The following GALNT14 variants were observed in gnomAD, a reference collection of about 807,000 sequenced individuals.
GALNT14 encodes UDP-GalNAc:polypeptide N-acetylgalactosaminyltransferase 14.
GALNT14 carries 60 observed loss-of-function variants against 77.5 expected under a neutral mutation model. The ratio of observed to expected loss-of-function variants is 0.77; its 90% CI spans 0.63 to 0.96. The LOEUF is 0.96. Among genes scored for constraint, GALNT14 ranks in the 40% least tolerant of loss-of-function variants. The pLI is 0.00. For missense variants in GALNT14, 710 were observed against 731.0 expected, an observed-to-expected ratio of 0.97 and a Z score of 0.33; for synonymous variants, 280 against 281.7, an observed-to-expected ratio of 0.99 and a Z score of 0.06.
At chr2:30,904,013 T>A in the GALNT14 span, among the ~76,000 whole-genome samples, 1 of 152,170 alleles carries the variant, frequency 6.6e-6, no homozygotes, top group South Asian at 2.1e-4. Flanking sequence ...CATAAAGCCC[T>A]AGCAGCCAGA....
At chr2:31,037,908 T>C (rs897726426) in intron 1 of GALNT14, among the ~76,000 whole-genome samples, 1 of 151,660 alleles carries the variant, frequency 6.6e-6, no homozygotes, top group Admixed American at 6.6e-5. Flanking sequence ...AGGTGAAAGA[T>C]TAGATCCTTC....
intron 1 of GALNT14, among the ~76,000 whole-genome samples, chr2:31,086,403 G>A (rs1676432477): frequency 1.3e-5 from 2 of 152,080 alleles, no homozygotes; most frequent in South Asian, 4.2e-4. Flanking sequence ...AGCTCCCTGG[G>A]CCCCTAACCT....
intron 1 of GALNT14, among the ~76,000 whole-genome samples, chr2:31,067,307 G>A (rs1022881611): frequency 1.8e-4 from 28 of 152,266 alleles, no homozygotes; most frequent in Admixed American, 7.8e-4. Flanking sequence ...GGAGCAAGGG[G>A]TCCATGTCCC....
intron 1 of GALNT14, among the ~76,000 whole-genome samples, chr2:31,018,254 A>G (rs1309726034): frequency 6.6e-6 from 1 of 152,252 alleles, no homozygotes; most frequent in Non-Finnish European, 1.5e-5. Flanking sequence ...AATGACTACC[A>G]TATATCATTC....
intron 1 of GALNT14, among the ~76,000 whole-genome samples, chr2:31,079,686 G>C (rs913928366): frequency 6.6e-6 from 1 of 152,120 alleles, no homozygotes; most frequent in African/African-American, 2.4e-5. Flanking sequence ...TCTTGAACAT[G>C]GTGTCATCCC....
At chr2:30,937,067 A>G (rs1277963770) in intron 9 of GALNT14, among the ~76,000 whole-genome samples, 1 of 152,212 alleles carries the variant, frequency 6.6e-6, no homozygotes, top group African/African-American at 2.4e-5. Context: ...CATCTGGGGG[A>G]AAAGCTGACT....
chr2:31,011,196 CT>C (rs1324000761), intron 1 of GALNT14, among the ~76,000 whole-genome samples: 2 of 152,220 alleles, frequency 1.3e-5, no homozygotes, highest in East Asian at 3.8e-4. Flanking sequence ...AGCTGTCTGG[CT>C]GTCTATTCTG....
chr2:30,904,563 C>A, the GALNT14 span, among the ~76,000 whole-genome samples: 1 of 152,362 alleles, frequency 6.6e-6, no homozygotes, highest in South Asian at 2.1e-4. Context: ...GGGTCCTATG[C>A]CCACGGAGTC....
At chr2:30,945,045 A>T in intron 7 of GALNT14, 103 bp from the exon 8 acceptor site, 2 of 999,116 alleles carry the variant, frequency 2.0e-6, no homozygotes, top group Non-Finnish European at 2.8e-6. Flanking sequence ...CTGGAGAGGT[A>T]GGTCTCAAAG....
intron 1 of GALNT14, among the ~76,000 whole-genome samples, chr2:31,001,578 A>C (rs1670371452): frequency 6.6e-6 from 1 of 152,186 alleles, no homozygotes; most frequent in African/African-American, 2.4e-5. Context: ...AACATCTCCA[A>C]TTTAGGACCC....
intron 1 of GALNT14, among the ~76,000 whole-genome samples, chr2:31,045,815 G>A (rs1393854861): frequency 6.6e-6 from 1 of 152,116 alleles, no homozygotes; most frequent in Non-Finnish European, 1.5e-5. Flanking sequence ...AGGTTATCAG[G>A]AAGCTTAAAG....
At position 31,071,495 on chromosome 2, in the gene GALNT14, G is replaced by C. The variant is rs188413113; in HGVS notation, c.129+66463C>G. On this transcript the variant is annotated intron_variant, in intron 1 of 14. Transcript: ENST00000349752. ...GTGTCAAGTAACATGAGCTCCAACTGTCCCAGCCCCTTTCCCTGCCCACCT... is the reference window on the plus strand; with the variant it reads ...GTGTCAAGTAACATGAGCTCCAACTCTCCCAGCCCCTTTCCCTGCCCACCT... Among the ~76,000 whole-genome samples the C allele has an allele frequency of 8.6e-4, 131 of 152,258 alleles. 4 individuals are homozygous for C. In the East Asian group the frequency reaches 0.017, roughly 20 times the overall value.
chr2:31,114,818 A>G (rs1678020912), intron 1 of GALNT14: 1 of 717,454 alleles, frequency 1.4e-6, no homozygotes, highest in African/African-American at 1.7e-5. Flanking sequence ...ACATACAGCA[A>G]GGTGTCCTCC....
At chr2:31,107,706 C>T (rs1677626655) in intron 1 of GALNT14, among the ~76,000 whole-genome samples, 2 of 152,284 alleles carry the variant, frequency 1.3e-5, no homozygotes, top group East Asian at 1.9e-4. Context: ...GAAAAAAATG[C>T]TGTCCTTCTC....
At chr2:30,983,316 T>G (rs570719328) in intron 2 of GALNT14, among the ~76,000 whole-genome samples, 21 of 151,952 alleles carry the variant, frequency 1.4e-4, no homozygotes, top group South Asian at 1.0e-3. Context: ...GTCTGTTTTT[T>G]TTGTTGTTGT....
At chr2:31,100,785 T>C (rs539268615) in intron 1 of GALNT14, among the ~76,000 whole-genome samples, 12 of 151,816 alleles carry the variant, frequency 7.9e-5, no homozygotes, top group African/African-American at 2.2e-4. Flanking sequence ...AAGTTGAAAA[T>C]ATCATAAGCC....
chr2:30,902,466 T>C, the GALNT14 span, among the ~76,000 whole-genome samples: 6 of 152,092 alleles, frequency 3.9e-5, no homozygotes, highest in African/African-American at 1.4e-4. Flanking sequence ...AGGTGACTCT[T>C]CGTTATCACC....
intron 1 of GALNT14, among the ~76,000 whole-genome samples, chr2:31,022,982 G>A (rs1451964864): frequency 6.6e-6 from 1 of 152,184 alleles, no homozygotes; most frequent in African/African-American, 2.4e-5. Flanking sequence ...GGGCCCAGAA[G>A]CTCAGGAGGC....
chr2:31,089,638 T>A (rs1444683334), intron 1 of GALNT14, among the ~76,000 whole-genome samples: 4 of 152,162 alleles, frequency 2.6e-5, no homozygotes, highest in Non-Finnish European at 5.9e-5. Flanking sequence ...CATACTGACA[T>A]CTTTCCTGAG....
Sources: allele counts gnomAD v4.1 joint callset (sites outside exome capture counted in the v4.1 genomes callset), GRCh38; gene constraint gnomAD v4.1.1; transcripts MANE v1.5; gene names NCBI Gene and HGNC (gene_info 2026-07-23, HGNC 2026-07-21).